TTC28: variants seen among roughly 807,000 people sequenced by gnomAD.
TTC28 encodes the protein tetratricopeptide repeat domain 28.
TTC28 carries 61 observed loss-of-function variants against 198.0 expected under a neutral mutation model. The ratio of observed to expected loss-of-function variants is 0.31; its 90% CI spans 0.25 to 0.38. TTC28 has a LOEUF of 0.38. TTC28 is among the 10% of genes least tolerant of loss of function. The pLI is 1.00. For missense variants in TTC28, 2,678 were observed against 3,164.0 expected, an observed-to-expected ratio of 0.85 and a Z score of 3.69; for synonymous variants, 1,171 against 1,297.8, an observed-to-expected ratio of 0.90 and a Z score of 2.10.
chr22:28,004,720 T>C (rs1021984731), intron 14 of TTC28, among the ~76,000 whole-genome samples: 3 of 152,226 alleles, frequency 2.0e-5, no homozygotes, highest in African/African-American at 7.2e-5. Flanking sequence ...GGGAAACTGA[T>C]TGGACATGTT....
rs1280517943 is a variant in TTC28, at chr22:28,163,163, T to C, written c.1370A>G (p.His457Arg). Reference sequence around the variant, plus strand: ...CTCAGCAATGCCCAGCTGCTGCTCATGGTATTGTTTAGCTCTCTCCAAATC... The same window carrying C: ...CTCAGCAATGCCCAGCTGCTGCTCACGGTATTGTTTAGCTCTCTCCAAATC... ...MQDLERAKQYHEQQLGIAEDL... is the reference protein window; with the variant it reads ...MQDLERAKQYREQQLGIAEDL... Residue 457 changes from histidine to arginine, a missense_variant, in exon 6 of 23, where the codon CAT becomes CGT. Transcript: ENST00000397906. 1.9e-6 allele frequency: 3 copies of C among 1,551,690 alleles called. No individual in the cohort carries two copies. The highest frequency in any genetic ancestry group is 2.6e-6 in the Non-Finnish European group (3 of 1,147,006).
At chr22:28,352,329 A>ATATATATATATC (rs2046010718) in intron 2 of TTC28, among the ~76,000 whole-genome samples, 1 of 150,602 alleles carries the variant, frequency 6.6e-6, no homozygotes, top group African/African-American at 2.4e-5. Flanking sequence ...ATATATATAT[A>ATATATATATATC]TATATATCTC....
Position 28,105,319 on chromosome 22 carries a change from G to A in TTC28, c.3267C>T (p.Ala1089=). Residue 1089 remains alanine, a synonymous_variant, in exon 8 of 23, where the codon GCC becomes GCT. Transcript: ENST00000397906. ...SYSSLGRTHH[A]LQNYSQAVMY... Reference sequence around the variant, plus strand: ...TGACTGCTTGGGAATAGTTCTGCAAGGCATGATGGGTCCTTCCAAGGCTAC... The same window carrying A: ...TGACTGCTTGGGAATAGTTCTGCAAAGCATGATGGGTCCTTCCAAGGCTAC... 1 of 1,551,706 alleles carries A rather than the reference G, an allele frequency of 6.4e-7. No individual in the cohort carries two copies. Among genetic ancestry groups the A allele is most frequent in the East Asian group, 2.4e-5 (1 of 40,922 alleles).
chr22:28,674,591 G>A lies in TTC28; in HGVS notation c.102+5031C>T, dbSNP rs368691043. On this transcript the variant is annotated intron_variant, in intron 1 of 22. Transcript: ENST00000397906. ...TTCCAGCACTTTGGGAGGTTGAGGC[G>A]GGTGGATCACTTGAGGTCAGGAGTT... 1.1e-4 allele frequency among the ~76,000 whole-genome samples: 16 copies of A among 152,026 alleles called. 2 individuals are homozygous for A. In the South Asian group the frequency reaches 2.3e-3, roughly 22 times the overall value.
At chr22:28,033,463 G>C (rs1435969997) in intron 12 of TTC28, among the ~76,000 whole-genome samples, 1 of 152,126 alleles carries the variant, frequency 6.6e-6, no homozygotes, top group Non-Finnish European at 1.5e-5. Flanking sequence ...TTACTGGGTA[G>C]GACCCATGTG....
At chr22:28,556,819 C>T (rs1351971832) in intron 2 of TTC28, among the ~76,000 whole-genome samples, 1 of 152,164 alleles carries the variant, frequency 6.6e-6, no homozygotes, top group African/African-American at 2.4e-5. Flanking sequence ...TCACTCATGC[C>T]TCATAAGCTG....
intron 2 of TTC28, among the ~76,000 whole-genome samples, chr22:28,379,748 G>T (rs2046467089): frequency 6.6e-6 from 1 of 152,062 alleles, no homozygotes; most frequent in African/African-American, 2.4e-5. Context: ...ACTTAAAAAT[G>T]GTTACAATGG....
intron 1 of TTC28, among the ~76,000 whole-genome samples, chr22:28,634,505 CAAAAAAAAAA>C (rs900765994): frequency 2.0e-4 from 9 of 45,550 alleles, no homozygotes; most frequent in African/African-American, 6.6e-4. Flanking sequence ...GACTCCATCT[CAAAAAAAAAA>C]AAAAAAAAAG....
At chr22:28,363,526 C>T (rs921783436) in intron 2 of TTC28, among the ~76,000 whole-genome samples, 14 of 152,168 alleles carry the variant, frequency 9.2e-5, no homozygotes, top group Non-Finnish European at 1.6e-4. Context: ...CCTACTGGGG[C>T]ACCGCCTAGT....
chr22:28,388,701 G>A (rs1601730678), intron 2 of TTC28, among the ~76,000 whole-genome samples: 1 of 152,174 alleles, frequency 6.6e-6, no homozygotes, highest in East Asian at 1.9e-4. Context: ...TGTATCCTGA[G>A]AATTTGCTCA....
Position 28,099,665 on chromosome 22 carries a change from C to T in TTC28, c.3418-621G>A, listed in dbSNP as rs192716262. 3.0e-3 allele frequency among the ~76,000 whole-genome samples: 463 copies of T among 152,282 alleles called. 4 individuals are homozygous for T. Among genetic ancestry groups the T allele is most frequent in the Middle Eastern group, 6.8e-3 (2 of 294 alleles). On this transcript the variant is annotated intron_variant, in intron 9 of 22. Coordinates refer to ENST00000397906, the MANE Select transcript of TTC28 (RefSeq NM_001145418.2). ...CTAAAAGACAGGAATTAGAGACTTA[C>T]GGTCTTAAAGATATTAAAACAGATA...
At chr22:28,424,177 CA>C (rs1314046063) in intron 2 of TTC28, among the ~76,000 whole-genome samples, 12 of 152,082 alleles carry the variant, frequency 7.9e-5, no homozygotes, top group African/African-American at 2.9e-4. Context: ...TTTTGATATA[CA>C]AATTAGGCTC....
At chr22:28,323,627 G>A (rs1280595667) in intron 2 of TTC28, among the ~76,000 whole-genome samples, 2 of 152,158 alleles carry the variant, frequency 1.3e-5, no homozygotes, top group African/African-American at 2.4e-5. Flanking sequence ...CTAGAAAACA[G>A]CCCCAAAAGG....
Position 27,978,853 on chromosome 22 carries a change from A to T in TTC28, c.*3368T>A. On this transcript the variant is annotated 3_prime_UTR_variant, in exon 23 of 23. Coordinates refer to ENST00000397906, the MANE Select transcript of TTC28 (RefSeq NM_001145418.2). ...GAGGTTTCTAAGAGAGGGGAGTTGT[A>T]CGGCTTATAGTCATTGTATTTACAT... is the stretch of plus-strand genomic sequence containing the variant. The T allele has an allele frequency of 6.6e-6, 1 of 152,218 alleles. No homozygotes were observed. The highest frequency in any genetic ancestry group is 2.4e-5 in the African/African-American group (1 of 41,454). The allele number at this position is 152,218 out of a possible 1,614,324, so 9.4% of individuals were successfully genotyped here. A position where few individuals can be genotyped will look rare whatever the true frequency, so the allele number is the denominator to read the frequency against.
At chr22:28,538,870 T>G (rs1198217283) in intron 2 of TTC28, among the ~76,000 whole-genome samples, 2 of 152,086 alleles carry the variant, frequency 1.3e-5, no homozygotes, top group African/African-American at 4.8e-5. Flanking sequence ...CCAAGTACCT[T>G]TTTTATTTGG....
At chr22:28,641,914 C>T (rs2051371855) in intron 1 of TTC28, among the ~76,000 whole-genome samples, 1 of 152,040 alleles carries the variant, frequency 6.6e-6, no homozygotes, top group Non-Finnish European at 1.5e-5. Flanking sequence ...CTAAAGTTCT[C>T]TAAGAAAGTA....
At chr22:28,436,023 G>A (rs2047514218) in intron 2 of TTC28, among the ~76,000 whole-genome samples, 1 of 152,092 alleles carries the variant, frequency 6.6e-6, no homozygotes, top group Non-Finnish European at 1.5e-5. Context: ...TAAATTCAGT[G>A]GCGTTTAGTA....
At chr22:28,430,036 ATTTTT>A (rs919396993) in intron 2 of TTC28, among the ~76,000 whole-genome samples, 6 of 109,994 alleles carry the variant, frequency 5.5e-5, no homozygotes, top group Non-Finnish European at 9.1e-5. Context: ...CTGGAATATG[ATTTTT>A]TTTTTTTTTT....
intron 2 of TTC28, among the ~76,000 whole-genome samples, chr22:28,364,571 T>C (rs192080763): frequency 2.6e-5 from 4 of 152,302 alleles, no homozygotes; most frequent in African/African-American, 7.2e-5. Context: ...TTCTAGATGT[T>C]ATTAGAAACA....
Sources: gnomAD v4.1 joint callset for allele counts (sites outside exome capture counted in the v4.1 genomes callset) on GRCh38, gnomAD v4.1.1 for gene constraint, MANE v1.5 for transcripts, NCBI Gene and HGNC (gene_info 2026-07-23, HGNC 2026-07-21) for gene names.